The following SLC41A3 variants were observed in gnomAD, a reference collection of about 807,000 sequenced individuals.
SLC41A3 encodes the protein solute carrier family 41 member 3.
In SLC41A3, 44 loss-of-function variants were observed where a neutral mutation model predicts 45.4. The observed-to-expected ratio is 0.97, with a 90% confidence interval of 0.76 to 1.25. The LOEUF (loss-of-function observed/expected upper bound fraction) is 1.25. Ranked by LOEUF, SLC41A3 falls within the 50% of genes most tolerant of loss-of-function variation. SLC41A3 has a pLI of 0.00. For synonymous variants in SLC41A3, 256 were observed against 252.4 expected, an observed-to-expected ratio of 1.01 and a Z score of -0.13; for missense variants, 550 against 600.6, an observed-to-expected ratio of 0.92 and a Z score of 0.88.
At chr3:126,100,176 C>G (rs1324588146) in intron 1 of SLC41A3, among the ~76,000 whole-genome samples, 1 of 147,270 alleles carries the variant, frequency 6.8e-6, no homozygotes, top group East Asian at 2.0e-4. Context: ...CAGGTCTCCA[C>G]TCTGCCACGG....
At chr3:126,056,086 C>A (rs900990860) in intron 2 of SLC41A3, among the ~76,000 whole-genome samples, 5 of 152,156 alleles carry the variant, frequency 3.3e-5, no homozygotes, top group Non-Finnish European at 7.4e-5. Context: ...GGGAGGAAGG[C>A]GGTTTGAGCT....
At chr3:126,017,233 C>T (rs139978227) in intron 6 of SLC41A3, among the ~76,000 whole-genome samples, 1 of 152,348 alleles carries the variant, frequency 6.6e-6, no homozygotes, top group African/African-American at 2.4e-5. Context: ...ACTTCGGGTG[C>T]ACAATCTCAT....
At chr3:126,024,841 T>A (rs1371897780) in intron 5 of SLC41A3, 1 of 152,270 alleles carries the variant, frequency 6.6e-6, no homozygotes, top group Non-Finnish European at 1.5e-5. Flanking sequence ...AAGCTGGTTA[T>A]AAGCCTGGCC....
chr3:126,075,737 A>G (rs1944851297), intron 1 of SLC41A3, among the ~76,000 whole-genome samples: 2 of 152,184 alleles, frequency 1.3e-5, no homozygotes, highest in Admixed American at 6.5e-5. Flanking sequence ...GGGAAAGAGT[A>G]GTGTCTTCAA....
At chr3:126,072,765 T>C (rs1341152399) in intron 1 of SLC41A3, among the ~76,000 whole-genome samples, 1 of 152,230 alleles carries the variant, frequency 6.6e-6, no homozygotes, top group Non-Finnish European at 1.5e-5. Context: ...AATCCCATTA[T>C]TGGGTGTATA....
chr3:126,031,899 C>T (rs1941821474), intron 4 of SLC41A3, among the ~76,000 whole-genome samples: 1 of 152,204 alleles, frequency 6.6e-6, no homozygotes, highest in African/African-American at 2.4e-5. Flanking sequence ...TGGTGCTAGC[C>T]CGTAAGACTC....
intron 8 of SLC41A3, among the ~76,000 whole-genome samples, chr3:126,015,092 G>T (rs1205144397): frequency 6.6e-6 from 1 of 152,208 alleles, no homozygotes; most frequent in African/African-American, 2.4e-5. Context: ...GAGTTCTGAT[G>T]TCAGCAATGA....
At chr3:126,029,249 G>A (rs999994342) in intron 4 of SLC41A3, among the ~76,000 whole-genome samples, 8 of 152,198 alleles carry the variant, frequency 5.3e-5, no homozygotes. Context: ...TGTTGGAGGT[G>A]GAGCCAGGTG....
At position 126,068,021 on chromosome 3, in the gene SLC41A3, G is replaced by A; in HGVS notation, c.199C>T (p.Leu67Phe). 1 of 1,613,962 alleles carries A rather than the reference G, an allele frequency of 6.2e-7. No individual in the cohort carries two copies. The highest frequency in any genetic ancestry group is 8.5e-7 in the Non-Finnish European group (1 of 1,179,998). ...PSRETTWSIGLQVTVPFMFAG... is the reference protein window; with the variant it reads ...PSRETTWSIGFQVTVPFMFAG... ...AACATGAAGGGCACGGTCACCTGAA[G>A]GCCTATGGACCAGGTGGTCTCCCTG... The change falls in exon 2 of 11, where the codon CTT becomes TTT. Residue 67 changes from leucine to phenylalanine, a missense_variant. Coordinates refer to ENST00000360370, the MANE Select transcript of SLC41A3 (RefSeq NM_017836.4).
chr3:126,074,502 C>T (rs1252204121), intron 1 of SLC41A3, among the ~76,000 whole-genome samples: 1 of 152,014 alleles, frequency 6.6e-6, no homozygotes, highest in Non-Finnish European at 1.5e-5. Context: ...TAAAATTATC[C>T]CTGTTTACAG....
In SLC41A3 at chr3:126,026,250, A is replaced by T. The variant is rs1941330685; in HGVS notation, c.598+85T>A. 2.6e-6 allele frequency: 4 copies of T among 1,512,650 alleles called. No homozygotes were observed. The highest frequency in any genetic ancestry group is 3.6e-6 in the Non-Finnish European group (4 of 1,125,112). 93.7% of individuals were successfully genotyped at this position (1,512,650 alleles called of 1,614,324 possible). A position where few individuals can be genotyped will look rare whatever the true frequency, so the allele number is the denominator to read the frequency against. ...CATTAGCAGTGGGACTCACACCCCC[A>T]GAAACTGAAAACACAATGAGCTCTG... On this transcript the variant is annotated intron_variant, in intron 5 of 10. Transcript: ENST00000360370. This position sits in a 1 kb window ranked among gnomAD's most constrained non-coding sequence, Gnocchi z 4.2.
intron 9 of SLC41A3, among the ~76,000 whole-genome samples, chr3:126,009,915 T>TG (rs1370128508): frequency 1.3e-5 from 2 of 152,236 alleles, no homozygotes; most frequent in African/African-American, 4.8e-5. Context: ...AGTTAGAAAA[T>TG]ATAACACGGA....
intron 2 of SLC41A3, among the ~76,000 whole-genome samples, chr3:126,052,478 G>A (rs545299357): frequency 1.3e-5 from 2 of 152,214 alleles, no homozygotes; most frequent in East Asian, 1.9e-4. Context: ...TTCAGCCTGC[G>A]CCACCCAGCA....
chr3:126,034,148 C>A (rs1348235716), intron 3 of SLC41A3, among the ~76,000 whole-genome samples: 5 of 152,214 alleles, frequency 3.3e-5, no homozygotes, highest in Admixed American at 1.3e-4. Flanking sequence ...ACCTACAACA[C>A]CCTCCTCTAC....
intron 6 of SLC41A3, among the ~76,000 whole-genome samples, chr3:126,018,278 A>C (rs1229735933): frequency 6.6e-6 from 1 of 152,230 alleles, no homozygotes; most frequent in African/African-American, 2.4e-5. Flanking sequence ...GGGCAGAGGC[A>C]AAGGTTCATG....
rs535982136 is a variant in SLC41A3 at position 126,019,844 on chromosome 3, C to G, written c.745+2942G>C. Among the ~76,000 whole-genome samples, 58 of 152,100 alleles carry G rather than the reference C, an allele frequency of 3.8e-4. No individual in the cohort carries two copies. The South Asian group carries it at 0.012, about 32-fold the overall frequency. On this transcript the variant is annotated intron_variant, in intron 6 of 10. Coordinates refer to ENST00000360370, the MANE Select transcript of SLC41A3 (RefSeq NM_017836.4). ...CCAGGCTGAAATCGCACACTAACAGCTCTGCAGTCCTGGGGTCTTGGCGGG... is the reference window on the plus strand; with the variant it reads ...CCAGGCTGAAATCGCACACTAACAGGTCTGCAGTCCTGGGGTCTTGGCGGG...
chr3:126,033,824 A>G (rs1267976750), intron 3 of SLC41A3, 146 bp from the exon 4 acceptor site: 1 of 797,760 alleles, frequency 1.3e-6, no homozygotes, highest in Non-Finnish European at 2.0e-6. Context: ...TCAGCTCTCC[A>G]AACAGCGACC....
chr3:126,022,764 T>A (rs748816263), intron 6 of SLC41A3, 22 bp downstream of exon 6: 23 of 1,613,834 alleles, frequency 1.4e-5, no homozygotes, highest in Non-Finnish European at 1.8e-5. Flanking sequence ...CCTTTGTGTC[T>A]ATAGAAGAAG....
At chr3:126,047,270 C>A (rs545602521) in intron 3 of SLC41A3, among the ~76,000 whole-genome samples, 1 of 151,294 alleles carries the variant, frequency 6.6e-6, no homozygotes, top group African/African-American at 2.4e-5. Context: ...GGCTGAGGTG[C>A]GAAGATCACT....
Sources: allele counts gnomAD v4.1 joint callset (sites outside exome capture counted in the v4.1 genomes callset), GRCh38; gene constraint gnomAD v4.1.1; non-coding constraint Gnocchi (gnomAD v3.1); transcripts MANE v1.5; gene names NCBI Gene and HGNC (gene_info 2026-07-23, HGNC 2026-07-21).